The following GFOD1 variants were observed in gnomAD, a reference collection of about 807,000 sequenced individuals.
GFOD1 encodes glucose-fructose oxidoreductase domain-containing protein 1.
Under a neutral mutation model 25.4 loss-of-function variants are expected in GFOD1, and 9 were observed. That is an observed-to-expected ratio of 0.35 (90% CI 0.21 to 0.62). The LOEUF (loss-of-function observed/expected upper bound fraction) is 0.62, where lower values mean the gene tolerates loss of function less well. Among genes scored for constraint, GFOD1 ranks in the 20% least tolerant of loss-of-function variants. The pLI is 0.72. For synonymous variants in GFOD1, 253 were observed against 245.6 expected (o/e 1.03, Z -0.28); for missense variants, 403 against 556.9 (o/e 0.72, Z 2.78).
chr6:13,408,102 G>C, intron 1 of GFOD1: 3 of 985,228 alleles, frequency 3.0e-6, no homozygotes, highest in Non-Finnish European at 3.6e-6. Flanking sequence ...CCCGGCCACG[G>C]TAGCATCTAT....
Position 13,481,286 on chromosome 6 carries a change from G to A in GFOD1, c.253+5352C>T, listed in dbSNP as rs1758746005. Among the ~76,000 whole-genome samples the A allele has an allele frequency of 2.6e-5, 4 of 152,214 alleles. No individual in the cohort carries two copies. In the South Asian group the frequency reaches 6.2e-4, roughly 24 times the overall value. On this transcript the variant is annotated intron_variant, in intron 1 of 1. Coordinates refer to ENST00000379287, the MANE Select transcript of GFOD1 (RefSeq NM_018988.4). ...CACGTAAGCTGAGACTTGAAAGTGA[G>A]AATGAGCTAGCCATTCCAAAAAGTG...
intron 1 of GFOD1, among the ~76,000 whole-genome samples, chr6:13,432,827 C>T (rs1024048435): frequency 1.3e-5 from 2 of 152,134 alleles, no homozygotes; most frequent in African/African-American, 4.8e-5. Flanking sequence ...CATCTGTCTC[C>T]CCTTCCTACA....
At chr6:13,417,176 C>T (rs1003235460) in intron 1 of GFOD1, among the ~76,000 whole-genome samples, 3 of 152,312 alleles carry the variant, frequency 2.0e-5, no homozygotes, top group South Asian at 4.1e-4. Context: ...TCGGGGACTT[C>T]GGAGTCTCGC....
intron 1 of GFOD1, among the ~76,000 whole-genome samples, chr6:13,402,737 C>T (rs1785871593): frequency 6.6e-6 from 1 of 152,178 alleles, no homozygotes; most frequent in South Asian, 2.1e-4. Context: ...TAAGAATGTA[C>T]AATGGTGTAG....
In GFOD1 at chr6:13,414,848, G is replaced by C. The variant is rs62386729; in HGVS notation, c.254-49186C>G. Among the ~76,000 whole-genome samples, 88 of 152,296 alleles carry C rather than the reference G, an allele frequency of 5.8e-4. 1 individual carries two copies. Among genetic ancestry groups the C allele is most frequent in the African/African-American group, 2.0e-3 (85 of 41,552 alleles). On this transcript the variant is annotated intron_variant, in intron 1 of 1. Transcript: ENST00000379287. The stretch of plus-strand genomic sequence containing the variant: ...AAATTAGATTTTCTTGGGTGGTAGT[G>C]GGGGAGGGCTTAGAATCCTATGAAC...
At chr6:13,376,993 A>C (rs1785268743) in intron 1 of GFOD1, among the ~76,000 whole-genome samples, 1 of 151,988 alleles carries the variant, frequency 6.6e-6, no homozygotes, top group East Asian at 1.9e-4. Flanking sequence ...TGAAGGGATC[A>C]CAAGTGTATT....
intron 1 of GFOD1, among the ~76,000 whole-genome samples, chr6:13,480,135 C>T (rs1384021074): frequency 6.6e-6 from 1 of 152,178 alleles, no homozygotes; most frequent in Non-Finnish European, 1.5e-5. Context: ...CAGAAAAGGG[C>T]CAATTGCTCC....
chr6:13,402,406 G>A lies in GFOD1; in HGVS notation c.254-36744C>T, dbSNP rs374791931. Among the ~76,000 whole-genome samples, 5 of 152,186 alleles carry A rather than the reference G, an allele frequency of 3.3e-5. No individual in the cohort carries two copies. In the South Asian group the frequency reaches 6.2e-4, roughly 19 times the overall value. ...CAAGATATAAAACCACCGACTGAAT[G>A]GTAGAATATATTTGCCAGTCACAGA... On this transcript the variant is annotated intron_variant, in intron 1 of 1. Transcript: ENST00000379287.
chr6:13,434,461 G>C, intron 1 of GFOD1, among the ~76,000 whole-genome samples: 1 of 150,722 alleles, frequency 6.6e-6, no homozygotes, highest in Non-Finnish European at 1.5e-5. Context: ...TGGGAACACA[G>C]AAGTCAAGTG....
rs1785009153 is a variant in GFOD1, at chr6:13,364,870, G to T, written c.1046C>A (p.Thr349Asn). 8 of 1,614,008 alleles carry T rather than the reference G, an allele frequency of 5.0e-6. No individual in the cohort carries two copies. The highest frequency in any genetic ancestry group is 6.8e-6 in the Non-Finnish European group (8 of 1,180,034). Residue 349 changes from threonine to asparagine, a missense_variant, in exon 2 of 2, where the codon ACC becomes AAC. Coordinates refer to ENST00000379287, the MANE Select transcript of GFOD1 (RefSeq NM_018988.4). The surrounding 1 kb of genome is among the most constrained non-coding windows in gnomAD (Gnocchi z 4.1). The stretch of plus-strand genomic sequence containing the variant: ...GCCCGTCTGGCTGGACCTCTTGATG[G>T]TGTCCACCACGCACAAGGCATACAG... Reference protein sequence around the residue: ...DCLYALCVVDTIKRSSQTGEW... With the variant: ...DCLYALCVVDNIKRSSQTGEW...
In GFOD1 at chr6:13,370,714, T is replaced by C. The variant is rs1188428386; in HGVS notation, c.254-5052A>G. On this transcript the variant is annotated intron_variant, in intron 1 of 1. Transcript: ENST00000379287. ...GTGTGTGTGTGTATATGTGTTTATG[T>C]GTGTGTGTGTGTATGTATGTATGTG... Among the ~76,000 whole-genome samples the C allele has an allele frequency of 2.7e-5, 3 of 111,332 alleles. No homozygotes were observed. The Admixed American group carries it at 3.0e-4, about 11-fold the overall frequency. 73.0% of individuals were successfully genotyped at this position (111,332 alleles called of 152,430 possible).
Position 13,360,760 on chromosome 6 carries a change from G to A in GFOD1, c.*3983C>T, listed in dbSNP as rs1246497691. The A allele has an allele frequency of 4.4e-6, 2 of 456,666 alleles. No individual in the cohort carries two copies. The highest frequency in any genetic ancestry group is 1.4e-4 in the East Asian group (2 of 14,414). 28.3% of individuals were successfully genotyped at this position (456,666 alleles called of 1,614,324 possible). A position where few individuals can be genotyped will look rare whatever the true frequency, so the allele number is the denominator to read the frequency against. ...GGAGGGTGCTGACAGCAGGCTGAGT[G>A]GAGCCGCAGGTTAGTCCATGCTTGT... On this transcript the variant is annotated 3_prime_UTR_variant, in exon 2 of 2. Coordinates refer to ENST00000379287, the MANE Select transcript of GFOD1 (RefSeq NM_018988.4).
intron 1 of GFOD1, among the ~76,000 whole-genome samples, chr6:13,401,952 A>G (rs1785854401): frequency 1.3e-5 from 2 of 152,258 alleles, no homozygotes. Flanking sequence ...TCAAAGCTAC[A>G]GTAATCATGA....
intron 1 of GFOD1, among the ~76,000 whole-genome samples, chr6:13,483,452 C>G (rs192569827): frequency 6.6e-6 from 1 of 152,260 alleles, no homozygotes; most frequent in Non-Finnish European, 1.5e-5. Context: ...GGGCATGTCA[C>G]GCCAATCAGC....
At chr6:13,382,155 G>C (rs924612095) in intron 1 of GFOD1, among the ~76,000 whole-genome samples, 6 of 152,130 alleles carry the variant, frequency 3.9e-5, no homozygotes, top group Non-Finnish European at 7.4e-5. Flanking sequence ...ATCTGGCTCT[G>C]TGTATCTGTG....
At chr6:13,421,845 T>G (rs541562166) in intron 1 of GFOD1, among the ~76,000 whole-genome samples, 16 of 152,324 alleles carry the variant, frequency 1.1e-4, no homozygotes, top group Non-Finnish European at 2.1e-4. Context: ...AGCAGAGGAT[T>G]TGCCGGGCAC....
At chr6:13,386,747 A>C (rs1785483921) in intron 1 of GFOD1, among the ~76,000 whole-genome samples, 1 of 152,190 alleles carries the variant, frequency 6.6e-6, no homozygotes, top group African/African-American at 2.4e-5. Context: ...CTCGTGTCCC[A>C]GTCCTGACTC....
rs564966067 is a variant in GFOD1, at chr6:13,432,328, C to G, written c.253+54310G>C. Among the ~76,000 whole-genome samples the G allele has an allele frequency of 1.8e-3, 272 of 151,906 alleles. 3 individuals carry two copies. The highest frequency in any genetic ancestry group is 2.7e-3 in the Non-Finnish European group (183 of 67,982). On this transcript the variant is annotated intron_variant, in intron 1 of 1. Transcript: ENST00000379287. ...TCTTGGGCTCAAGTGATCCTCCCAC[C>G]TTAACCTCCCAAGTAGCTGGGACCA...
intron 1 of GFOD1, among the ~76,000 whole-genome samples, chr6:13,405,006 C>A (rs544949673): frequency 3.3e-5 from 5 of 152,322 alleles, no homozygotes; most frequent in Admixed American, 2.6e-4. Context: ...TGTCTATCCT[C>A]AACCCCATCT....
Sources: gnomAD v4.1 joint callset for allele counts (sites outside exome capture counted in the v4.1 genomes callset) on GRCh38, gnomAD v4.1.1 for gene constraint, Gnocchi (gnomAD v3.1) non-coding constraint, MANE v1.5 for transcripts, NCBI Gene and HGNC (gene_info 2026-07-23, HGNC 2026-07-21) for gene names.